SGIP1: variants seen among roughly 807,000 people sequenced by gnomAD.
SGIP1 encodes SH3GL interacting endocytic adaptor 1, also known as SH3-containing GRB2-like protein 3-interacting protein 1.
A neutral mutation model predicts 107.5 loss-of-function variants in SGIP1; 38 were observed. That is an observed-to-expected ratio of 0.35 (90% CI 0.27 to 0.46). The LOEUF is 0.46. Among genes scored for constraint, SGIP1 ranks in the 20% least tolerant of loss-of-function variants. The pLI, the probability that SGIP1 is intolerant of heterozygous loss-of-function variation, is 1.00. For synonymous variants in SGIP1, 365 were observed against 366.1 expected (o/e 1.00, Z 0.03); for missense variants, 929 against 1,019.5 (o/e 0.91, Z 1.21).
intron 1 of SGIP1, among the ~76,000 whole-genome samples, chr1:66,556,486 T>A (rs988947300): frequency 6.6e-6 from 1 of 152,154 alleles, no homozygotes; most frequent in African/African-American, 2.4e-5. Flanking sequence ...TTGGCTCAAC[T>A]TGACGTAGGT....
chr1:66,661,609 A>G (rs1470449820), intron 8 of SGIP1, among the ~76,000 whole-genome samples: 1 of 152,228 alleles, frequency 6.6e-6, no homozygotes, highest in Non-Finnish European at 1.5e-5. Flanking sequence ...CTTCTGAGTA[A>G]TTCAGAGTCA....
At chr1:66,569,570 A>G (rs960310151) in intron 1 of SGIP1, among the ~76,000 whole-genome samples, 2 of 151,904 alleles carry the variant, frequency 1.3e-5, no homozygotes, top group Non-Finnish European at 2.9e-5. Flanking sequence ...TCAAATGTTG[A>G]ACCAGCATTG....
At chr1:66,603,817 C>G (rs565687113) in intron 1 of SGIP1, among the ~76,000 whole-genome samples, 1 of 152,106 alleles carries the variant, frequency 6.6e-6, no homozygotes, top group African/African-American at 2.4e-5. Context: ...ATCTTAATAA[C>G]AAAAGTTGCT....
intron 1 of SGIP1, among the ~76,000 whole-genome samples, chr1:66,559,579 C>T (rs779449423): frequency 1.3e-5 from 2 of 152,048 alleles, no homozygotes; most frequent in Non-Finnish European, 2.9e-5. Context: ...GAGTACATGG[C>T]TCCGCAATGT....
intron 7 of SGIP1, among the ~76,000 whole-genome samples, chr1:66,646,652 G>A (rs1250012197): frequency 2.0e-5 from 3 of 152,078 alleles, no homozygotes; most frequent in Admixed American, 2.0e-4. Flanking sequence ...AAATGAAATG[G>A]GAGGAATGAA....
intron 16 of SGIP1, 55 bp downstream of exon 16, chr1:66,689,330 G>A (rs2089287712): frequency 1.3e-6 from 2 of 1,580,566 alleles, no homozygotes; most frequent in Non-Finnish European, 1.7e-6. Context: ...ACAAACAGAA[G>A]CTCCAAATGC....
chr1:66,536,388 C>T (rs931047787), intron 1 of SGIP1, among the ~76,000 whole-genome samples: 22 of 152,090 alleles, frequency 1.4e-4, no homozygotes, highest in Non-Finnish European at 4.4e-5. Flanking sequence ...TGTTTTTAAG[C>T]CTTATTATCT....
rs1367918357 is a variant in SGIP1 at position 66,749,564 on chromosome 1, A to G, written c.*6469A>G. On this transcript the variant is annotated 3_prime_UTR_variant, in exon 25 of 25. Transcript: ENST00000371037. ...CTGGTTAAATTGTCTGTTATCATAT[A>G]GAAAAGAATCAAACTGAATCACTTT... Among the ~76,000 whole-genome samples, 1 of 152,030 alleles carries G rather than the reference A, an allele frequency of 6.6e-6. No individual in the cohort carries two copies. The highest frequency in any genetic ancestry group is 1.5e-5 in the Non-Finnish European group (1 of 67,938).
intron 8 of SGIP1, among the ~76,000 whole-genome samples, chr1:66,663,293 G>A (rs567210561): frequency 7.2e-5 from 11 of 152,148 alleles, no homozygotes; most frequent in Admixed American, 2.0e-4. Context: ...TCAGCTTATA[G>A]AATATATCAA....
chr1:66,719,174 C>T (rs778737372), intron 18 of SGIP1, 120 bp from the exon 19 acceptor site: 3 of 592,398 alleles, frequency 5.1e-6, no homozygotes, highest in Non-Finnish European at 9.0e-6. Flanking sequence ...GTTCTTAGCA[C>T]ATTTTGTTTT....
At chr1:66,658,154 G>T (rs2080162245) in intron 7 of SGIP1, among the ~76,000 whole-genome samples, 1 of 152,116 alleles carries the variant, frequency 6.6e-6, no homozygotes, top group Non-Finnish European at 1.5e-5. Context: ...TAAATAAGAT[G>T]CATTTTATTT....
chr1:66,639,850 T>C lies in SGIP1; in HGVS notation c.228+17T>C. ...GAAAGATATGTGAGTATCAGAAGAGTGTTTCTCTTTATTAAGTATTTTACA... is the reference window on the plus strand; with the variant it reads ...GAAAGATATGTGAGTATCAGAAGAGCGTTTCTCTTTATTAAGTATTTTACA... On this transcript the variant is annotated intron_variant, in intron 5 of 24. Transcript: ENST00000371037. 2 of 1,599,820 alleles carry C rather than the reference T, an allele frequency of 1.3e-6. No homozygotes were observed. The highest frequency in any genetic ancestry group is 1.1e-5 in the South Asian group (1 of 89,876).
chr1:66,711,369 C>T (rs756759594), intron 18 of SGIP1, among the ~76,000 whole-genome samples: 1 of 152,104 alleles, frequency 6.6e-6, no homozygotes, highest in Non-Finnish European at 1.5e-5. Context: ...GATAATTTTT[C>T]AGGGTCACAG....
At chr1:66,583,126 A>C (rs535411417) in intron 1 of SGIP1, among the ~76,000 whole-genome samples, 7 of 152,008 alleles carry the variant, frequency 4.6e-5, no homozygotes, top group Non-Finnish European at 1.0e-4. Flanking sequence ...TCTCAAGGAG[A>C]AAGTGAGATA....
intron 1 of SGIP1, among the ~76,000 whole-genome samples, chr1:66,618,816 C>A (rs1367771787): frequency 6.6e-6 from 1 of 152,080 alleles, no homozygotes; most frequent in African/African-American, 2.4e-5. Flanking sequence ...TGTGAGAACA[C>A]GAATCTTATA....
rs372586030 is a variant in SGIP1 at position 66,534,314 on chromosome 1, G to GT, written c.-39dup. On this transcript the variant is annotated 5_prime_UTR_variant, in exon 1 of 25. Coordinates refer to ENST00000371037, the MANE Select transcript of SGIP1 (RefSeq NM_032291.4). ...GGGACCTGGAATCGTATCCTCCTGT[G>GT]TTTTTTCAGACTCCTTGGAAATTAA... 957 of 1,612,534 alleles carry GT rather than the reference G, an allele frequency of 5.9e-4. 4 individuals carry two copies. In the African/African-American group the frequency reaches 0.012, roughly 20 times the overall value.
chr1:66,626,194 A>C (rs1189843523), intron 2 of SGIP1: 1 of 216,004 alleles, frequency 4.6e-6, no homozygotes, highest in Non-Finnish European at 9.0e-6. Flanking sequence ...CAGGAGGCAG[A>C]AAATGTGACT....
At chr1:66,608,950 A>G (rs1268829413) in intron 1 of SGIP1, among the ~76,000 whole-genome samples, 2 of 150,190 alleles carry the variant, frequency 1.3e-5, no homozygotes, top group Non-Finnish European at 2.9e-5. Flanking sequence ...TTTTTTTCTC[A>G]GTAATGGAGG....
chr1:66,675,541 C>CTTTTTT lies in SGIP1; in HGVS notation c.647-1450_647-1445dup, dbSNP rs71242802. ...GTTGTTTTTCTTTTTCTTTTTCTTT[C>CTTTTTT]TTTTTTTTTTTTTTTTTTGACAGAA... is the stretch of plus-strand genomic sequence containing the variant. On this transcript the variant is annotated intron_variant, in intron 12 of 24. Transcript: ENST00000371037. Among the ~76,000 whole-genome samples, 42 of 112,374 alleles carry CTTTTTT rather than the reference C, an allele frequency of 3.7e-4. 1 individual carries two copies. The highest frequency in any genetic ancestry group is 8.6e-4 in the South Asian group (3 of 3,502). The allele number at this position is 112,374 out of a possible 152,430, so 73.7% of individuals were successfully genotyped here. A position where few individuals can be genotyped will look rare whatever the true frequency, so the allele number is the denominator to read the frequency against.
Sources: allele counts gnomAD v4.1 joint callset (sites outside exome capture counted in the v4.1 genomes callset), GRCh38; gene constraint gnomAD v4.1.1; transcripts MANE v1.5; gene names NCBI Gene and HGNC (gene_info 2026-07-23, HGNC 2026-07-21).